The following CEP15 variants were observed in gnomAD, a reference collection of about 807,000 sequenced individuals.
CEP15 encodes centrosomal protein 15 kDa.
chr3:62,330,197 T>G, the CEP15 span, among the ~76,000 whole-genome samples: 1 of 152,148 alleles, frequency 6.6e-6, no homozygotes, highest in Non-Finnish European at 1.5e-5. Flanking sequence ...TACCATCTGC[T>G]ATCTCTTTTC....
At chr3:62,333,886 T>G in the CEP15 span, 1 of 152,018 alleles carries the variant, frequency 6.6e-6, no homozygotes. This position sits in a 1 kb window ranked among gnomAD's most constrained non-coding sequence, Gnocchi z 4.0. Flanking sequence ...AGAAAATAAA[T>G]TCATAGGATT....
chr3:62,321,867 G>C, the CEP15 span: 1 of 1,291,320 alleles, frequency 7.7e-7, no homozygotes, highest in East Asian at 2.4e-5. The surrounding 1 kb of genome is among the most constrained non-coding windows in gnomAD (Gnocchi z 4.1). Flanking sequence ...TTTTATATTG[G>C]TCAAGCAGTA....
chr3:62,324,705 AG>A, the CEP15 span, among the ~76,000 whole-genome samples: 1 of 152,166 alleles, frequency 6.6e-6, no homozygotes, highest in African/African-American at 2.4e-5. Flanking sequence ...GTTCAGGACA[AG>A]TTAAGTTACA....
chr3:62,328,192 A>G, the CEP15 span, among the ~76,000 whole-genome samples: 1 of 152,228 alleles, frequency 6.6e-6, no homozygotes. Flanking sequence ...AGCTCATAAC[A>G]GTATCTCCAA....
chr3:62,320,385 C>A, the CEP15 span: 1 of 1,048,130 alleles, frequency 9.5e-7, no homozygotes, highest in Non-Finnish European at 1.4e-6. Context: ...GATTAAGGTA[C>A]TAAAATAATC....
At chr3:62,322,011 A>G in the CEP15 span, 7 of 1,610,570 alleles carry the variant, frequency 4.3e-6, no homozygotes, top group Non-Finnish European at 5.1e-6. This position sits in a 1 kb window ranked among gnomAD's most constrained non-coding sequence, Gnocchi z 5.5. Context: ...CTCAACTCCA[A>G]ACTGTTGAGA....
chr3:62,333,241 A>ATT, the CEP15 span: 1 of 1,592,780 alleles, frequency 6.3e-7, no homozygotes. This position sits in a 1 kb window ranked among gnomAD's most constrained non-coding sequence, Gnocchi z 4.0. Context: ...TTACTTTTGG[A>ATT]TTTTTTTTTC....
the CEP15 span, among the ~76,000 whole-genome samples, chr3:62,324,406 G>C: frequency 6.6e-6 from 1 of 151,934 alleles, no homozygotes; most frequent in Admixed American, 6.6e-5. Flanking sequence ...TGTGTCTGGG[G>C]AAAAATAAAT....
the CEP15 span, among the ~76,000 whole-genome samples, chr3:62,320,268 T>G: frequency 6.6e-6 from 1 of 152,252 alleles, no homozygotes; most frequent in Non-Finnish European, 1.5e-5. Context: ...ATTCATAGTA[T>G]TCTTAGATGT....
At chr3:62,322,075 A>T in the CEP15 span, 1 of 1,596,218 alleles carries the variant, frequency 6.3e-7, no homozygotes, top group Non-Finnish European at 8.5e-7. The surrounding 1 kb of genome is among the most constrained non-coding windows in gnomAD (Gnocchi z 5.5). Context: ...TGACTTGAAT[A>T]TAGAGATTTA....
the CEP15 span, among the ~76,000 whole-genome samples, chr3:62,328,017 T>G: frequency 4.2e-4 from 64 of 152,206 alleles, no homozygotes; most frequent in Admixed American, 2.9e-3. Context: ...GATAAGTTAT[T>G]CCAGGCTCAT....
chr3:62,327,999 T>C, the CEP15 span, among the ~76,000 whole-genome samples: 90 of 152,334 alleles, frequency 5.9e-4, no homozygotes, highest in African/African-American at 1.9e-3. Flanking sequence ...TTCTTTTCTT[T>C]ATGATGTGAT....
the CEP15 span, among the ~76,000 whole-genome samples, chr3:62,332,064 C>T: frequency 6.6e-6 from 1 of 152,076 alleles, no homozygotes; most frequent in African/African-American, 2.4e-5. Flanking sequence ...TTTTCTGTGT[C>T]ATCTAGGGTA....
the CEP15 span, chr3:62,320,483 G>A: frequency 6.2e-7 from 1 of 1,612,062 alleles, no homozygotes; most frequent in East Asian, 2.2e-5. Flanking sequence ...TGACTTCCTT[G>A]TTTGCTCAAG....
the CEP15 span, among the ~76,000 whole-genome samples, chr3:62,332,488 G>T: frequency 6.6e-6 from 1 of 151,974 alleles, no homozygotes; most frequent in Non-Finnish European, 1.5e-5. Flanking sequence ...GCCCTCCTAT[G>T]ACACAGGGCT....
chr3:62,335,452 T>C, the CEP15 span: 1 of 139,906 alleles, frequency 7.1e-6, no homozygotes, highest in Non-Finnish European at 1.5e-5. Context: ...CACCACATGG[T>C]GTCTGTTTAA....
At chr3:62,325,331 A>G in the CEP15 span, among the ~76,000 whole-genome samples, 1 of 152,352 alleles carries the variant, frequency 6.6e-6, no homozygotes, top group Admixed American at 6.5e-5. Context: ...AATAAGTTCC[A>G]ACAGAATTTG....
At chr3:62,319,155 G>C in the CEP15 span, 1 of 152,434 alleles carries the variant, frequency 6.6e-6, no homozygotes, top group East Asian at 1.9e-4. Flanking sequence ...TAAAGAGCCA[G>C]GCTGATGAGG....
the CEP15 span, among the ~76,000 whole-genome samples, chr3:62,328,728 A>G: frequency 6.6e-6 from 1 of 152,202 alleles, no homozygotes; most frequent in South Asian, 2.1e-4. Context: ...TATGCATTTA[A>G]TGAATATTTA....
Sources: gnomAD v4.1 joint callset for allele counts (sites outside exome capture counted in the v4.1 genomes callset) on GRCh38, gnomAD v4.1.1 for gene constraint, Gnocchi (gnomAD v3.1) non-coding constraint, MANE v1.5 for transcripts, NCBI Gene and HGNC (gene_info 2026-07-23, HGNC 2026-07-21) for gene names.